PDE4D: variants seen among roughly 807,000 people sequenced by gnomAD.
PDE4D encodes 3',5'-cyclic-AMP phosphodiesterase 4D.
A neutral mutation model predicts 87.4 loss-of-function variants in PDE4D; 24 were observed. The ratio of observed to expected loss-of-function variants is 0.27; its 90% CI spans 0.20 to 0.39. The LOEUF (loss-of-function observed/expected upper bound fraction) is 0.39. Ranked by LOEUF, PDE4D falls within the 10% of genes least tolerant of loss-of-function variation. PDE4D has a pLI of 1.00. For missense variants in PDE4D, 714 were observed against 1,041.0 expected (o/e 0.69, Z 4.32); for synonymous variants, 384 against 383.2 (o/e 1.00, Z -0.02).
intron 6 of PDE4D, among the ~76,000 whole-genome samples, chr5:59,011,643 T>C (rs1752834929): frequency 2.6e-5 from 4 of 152,048 alleles, no homozygotes; most frequent in Admixed American, 2.0e-4. Flanking sequence ...CTCCAAGAAA[T>C]ATGGGACTAT....
chr5:60,085,576 T>C (rs1774436721), intron 2 of PDE4D, among the ~76,000 whole-genome samples: 1 of 152,178 alleles, frequency 6.6e-6, no homozygotes, highest in South Asian at 2.1e-4. Context: ...CGTCTTTTTT[T>C]CCAAGTGGAG....
rs1419559256 is a variant in PDE4D, at chr5:59,243,380, T to C, written c.456-27412A>G. Among the ~76,000 whole-genome samples, 3 of 151,162 alleles carry C rather than the reference T, an allele frequency of 2.0e-5. No individual in the cohort carries two copies. In the East Asian group the frequency reaches 5.8e-4, roughly 29 times the overall value. ...TTTTATAAAACTGCAGGTTTAAATA[T>C]TAATAAATATATAAATGTTTTCCCT... On this transcript the variant is annotated intron_variant, in intron 1 of 14. Coordinates refer to ENST00000340635, the MANE Select transcript of PDE4D (RefSeq NM_001104631.2).
chr5:59,316,379 A>G (rs1293867495), intron 1 of PDE4D, among the ~76,000 whole-genome samples: 1 of 152,046 alleles, frequency 6.6e-6, no homozygotes, highest in Non-Finnish European at 1.5e-5. Context: ...TTTTTTTTTA[A>G]TGTTACATTG....
intron 1 of PDE4D, among the ~76,000 whole-genome samples, chr5:59,448,672 G>A (rs1272308220): frequency 6.6e-6 from 1 of 152,118 alleles, no homozygotes; most frequent in Non-Finnish European, 1.5e-5. Flanking sequence ...CGGGGGAGGT[G>A]GAAGGACATC....
chr5:59,873,932 TA>T (rs1443293074), intron 1 of PDE4D, among the ~76,000 whole-genome samples: 1 of 152,192 alleles, frequency 6.6e-6, no homozygotes, highest in Non-Finnish European at 1.5e-5. Flanking sequence ...AGATTTAAGC[TA>T]GGCATGGTGG....
intron 1 of PDE4D, among the ~76,000 whole-genome samples, chr5:60,381,647 G>T (rs551084007): frequency 2.1e-4 from 32 of 152,290 alleles, no homozygotes; most frequent in African/African-American, 7.5e-4. Context: ...GAACTGGTGA[G>T]CTGGGAGGGT....
At chr5:59,086,573 A>T (rs1406137638) in intron 5 of PDE4D, among the ~76,000 whole-genome samples, 2 of 151,936 alleles carry the variant, frequency 1.3e-5, no homozygotes, top group African/African-American at 2.4e-5. Context: ...ATACCTACCT[A>T]CCATTGTGCT....
At chr5:60,033,804 A>G (rs1167235098) in intron 2 of PDE4D, among the ~76,000 whole-genome samples, 2 of 152,228 alleles carry the variant, frequency 1.3e-5, no homozygotes, top group Non-Finnish European at 2.9e-5. Context: ...GAATCAGTGC[A>G]GTGAAAGTAA....
intron 5 of PDE4D, chr5:59,172,849 T>C (rs573675063): frequency 4.6e-5 from 7 of 152,210 alleles, no homozygotes; most frequent in African/African-American, 1.4e-4. Flanking sequence ...CCAGAGCGTA[T>C]GCATGCCATA....
At chr5:59,527,197 T>C (rs911875387) in intron 1 of PDE4D, among the ~76,000 whole-genome samples, 2 of 152,334 alleles carry the variant, frequency 1.3e-5, no homozygotes, top group Middle Eastern at 6.8e-3. Flanking sequence ...TTACAACATT[T>C]ATCTTTTTCT....
chr5:59,141,368 G>A (rs184273280), intron 5 of PDE4D, among the ~76,000 whole-genome samples: 28 of 152,312 alleles, frequency 1.8e-4, no homozygotes, highest in Admixed American at 1.6e-3. Flanking sequence ...TTTTGTTGAT[G>A]AGGCCAAGAG....
At chr5:59,619,764 G>A (rs1830123797) in intron 1 of PDE4D, among the ~76,000 whole-genome samples, 1 of 152,042 alleles carries the variant, frequency 6.6e-6, no homozygotes, top group African/African-American at 2.4e-5. Context: ...GAGAATCTGA[G>A]TAAAACAAAG....
intron 11 of PDE4D, among the ~76,000 whole-genome samples, chr5:58,982,423 C>A (rs1745405245): frequency 6.6e-6 from 1 of 152,172 alleles, no homozygotes; most frequent in Non-Finnish European, 1.5e-5. Flanking sequence ...TGGGCATGAG[C>A]CCAGTGCAGC....
intron 1 of PDE4D, among the ~76,000 whole-genome samples, chr5:59,632,797 T>C (rs1831738066): frequency 6.6e-6 from 1 of 152,102 alleles, no homozygotes; most frequent in Non-Finnish European, 1.5e-5. Context: ...GCAAAAAGGA[T>C]GGAAATTCCA....
At chr5:59,771,808 C>T (rs1469899125) in intron 1 of PDE4D, among the ~76,000 whole-genome samples, 1 of 152,144 alleles carries the variant, frequency 6.6e-6, no homozygotes, top group Admixed American at 6.5e-5. Flanking sequence ...TAAACATGGA[C>T]AAAAGCATTC....
At chr5:59,603,156 T>C (rs1318911034) in intron 1 of PDE4D, among the ~76,000 whole-genome samples, 1 of 151,834 alleles carries the variant, frequency 6.6e-6, no homozygotes, top group African/African-American at 2.4e-5. Flanking sequence ...ATAGACAAGA[T>C]TGCATCAAGC....
At chr5:59,127,554 A>G (rs928167860) in intron 5 of PDE4D, among the ~76,000 whole-genome samples, 5 of 151,780 alleles carry the variant, frequency 3.3e-5, no homozygotes, top group African/African-American at 4.8e-5. Context: ...CATAGAAGAA[A>G]GAAGAGTTCA....
At chr5:59,439,833 G>A (rs1267057060) in intron 1 of PDE4D, among the ~76,000 whole-genome samples, 1 of 152,072 alleles carries the variant, frequency 6.6e-6, no homozygotes, top group Non-Finnish European at 1.5e-5. Context: ...GGGATAAAAG[G>A]GTAGAAAACA....
rs1377762812 is a variant in PDE4D at position 60,449,053 on chromosome 5, A to G, written c.-90+38889T>C. 9.3e-5 allele frequency among the ~76,000 whole-genome samples: 5 copies of G among 53,850 alleles called. No homozygotes were observed. The East Asian group carries it at 2.4e-3, about 26-fold the overall frequency. The allele number at this position is 53,850 out of a possible 152,430, so 35.3% of individuals were successfully genotyped here. ...GTTCTCCCCATATCCCCCTTCACCC[A>G]CCCCCCCAACTGCCCGCGCACACAC... On this transcript the variant is annotated intron_variant, in intron 1 of 16. Transcript: ENST00000502484.
Sources: gnomAD v4.1 joint callset for allele counts (sites outside exome capture counted in the v4.1 genomes callset) on GRCh38, gnomAD v4.1.1 for gene constraint, MANE v1.5 for transcripts, NCBI Gene and HGNC (gene_info 2026-07-23, HGNC 2026-07-21) for gene names.